Variants in AP3D1 observed in about 807,000 individuals in gnomAD.
AP3D1 encodes the protein AP-3 complex subunit delta-1.
A neutral mutation model predicts 147.6 loss-of-function variants in AP3D1; 51 were observed. The ratio of observed to expected loss-of-function variants is 0.35; its 90% CI spans 0.28 to 0.44. The LOEUF (loss-of-function observed/expected upper bound fraction) is 0.44, where lower values mean the gene tolerates loss of function less well. Ranked by LOEUF, AP3D1 falls within the 20% of genes least tolerant of loss-of-function variation. The pLI is 1.00. For synonymous variants in AP3D1, 760 were observed against 663.0 expected (o/e 1.15, Z -2.25); for missense variants, 1,421 against 1,624.2 (o/e 0.87, Z 2.15).
intron 5 of AP3D1, among the ~76,000 whole-genome samples, chr19:2,132,269 A>T (rs886932958): frequency 6.6e-6 from 1 of 152,204 alleles, no homozygotes; most frequent in Non-Finnish European, 1.5e-5. Context: ...ATGATTTCAA[A>T]TATCAACTTA....
At chr19:2,117,874 A>C (rs1292883304) in intron 15 of AP3D1, among the ~76,000 whole-genome samples, 1 of 152,242 alleles carries the variant, frequency 6.6e-6, no homozygotes, top group African/African-American at 2.4e-5. Flanking sequence ...CCTCTCTCAC[A>C]GATGGCCAGG....
chr19:2,127,270 G>A (rs376866604), intron 8 of AP3D1, 69 bp from the exon 9 acceptor site: 60 of 1,557,644 alleles, frequency 3.9e-5, no homozygotes, highest in African/African-American at 1.9e-4. Context: ...ACCCAGTGCC[G>A]GCAGCTCAGC....
rs975115919 is a variant in AP3D1, at chr19:2,140,568, C to T, written c.97-1854G>A. On this transcript the variant is annotated intron_variant, in intron 1 of 31. Coordinates refer to ENST00000643116, the MANE Select transcript of AP3D1 (RefSeq NM_001261826.3). ...ACTGCTCACTGCAGCCTCCACACCCCAGACTCAAGTGATCCTCCCCGCTAG... is the reference window on the plus strand; with the variant it reads ...ACTGCTCACTGCAGCCTCCACACCCTAGACTCAAGTGATCCTCCCCGCTAG... Among the ~76,000 whole-genome samples, 39 of 151,894 alleles carry T rather than the reference C, an allele frequency of 2.6e-4. 1 individual carries two copies. The highest frequency in any genetic ancestry group is 8.5e-4 in the African/African-American group (35 of 41,330).
intron 25 of AP3D1, 139 bp downstream of exon 25, chr19:2,111,540 C>T: frequency 7.8e-7 from 1 of 1,287,436 alleles, no homozygotes; most frequent in Non-Finnish European, 1.1e-6. Flanking sequence ...GGGCCAGGGC[C>T]AGTCCCCTGC....
At chr19:2,142,829 C>T (rs113470586) in intron 1 of AP3D1, among the ~76,000 whole-genome samples, 6,151 of 151,620 alleles carry the variant, frequency 0.041, 412 homozygotes, top group African/African-American at 0.14. Context: ...ATGGTGTGAT[C>T]TTGGCTCACC....
At chr19:2,113,092 CCCT>C (rs1342879227) in intron 23 of AP3D1, 125 bp from the exon 24 acceptor site, 1 of 692,188 alleles carries the variant, frequency 1.4e-6, no homozygotes, top group Non-Finnish European at 2.4e-6. Flanking sequence ...GGCCACAGTG[CCCT>C]CCGAGTGACA....
At chr19:2,149,245 C>T (rs536516921) in intron 1 of AP3D1, among the ~76,000 whole-genome samples, 1 of 151,952 alleles carries the variant, frequency 6.6e-6, no homozygotes, top group Non-Finnish European at 1.5e-5. Flanking sequence ...AACCCTGCGC[C>T]GTTTTAAAAA....
intron 1 of AP3D1, among the ~76,000 whole-genome samples, chr19:2,142,218 G>A (rs1311893364): frequency 1.3e-5 from 2 of 151,908 alleles, no homozygotes; most frequent in African/African-American, 4.8e-5. Context: ...TAGCCATGTT[G>A]GCCAGGCTGG....
At chr19:2,111,567 T>C (rs2018277662) in intron 25 of AP3D1, 112 bp downstream of exon 25, 13 of 1,395,366 alleles carry the variant, frequency 9.3e-6, no homozygotes, top group African/African-American at 1.4e-5. Flanking sequence ...CAGGCTCGGC[T>C]TCTTCTCGAA....
intron 31 of AP3D1, among the ~76,000 whole-genome samples, chr19:2,103,034 G>A (rs1488144985): frequency 1.3e-5 from 2 of 152,078 alleles, no homozygotes; most frequent in Non-Finnish European, 2.9e-5. Context: ...TGAGGCGGGA[G>A]GGTCGCTTGA....
intron 26 of AP3D1, 150 bp from the exon 27 acceptor site, chr19:2,111,046 GCCT>G (rs1395317292): frequency 1.1e-6 from 1 of 943,246 alleles, no homozygotes; most frequent in Non-Finnish European, 1.6e-6. Flanking sequence ...CAGGCCAAGC[GCCT>G]CCTATGGCTG....
In AP3D1 at chr19:2,158,094, C is replaced by T. The variant is rs138415753; in HGVS notation, c.-103+6262G>A. Among the ~76,000 whole-genome samples the T allele has an allele frequency of 3.8e-3, 574 of 152,162 alleles. 3 individuals carry two copies. The highest frequency in any genetic ancestry group is 0.01 in the Middle Eastern group (3 of 294). On this transcript the variant is annotated intron_variant, in intron 1 of 14. Coordinates refer to the AP3D1 transcript ENST00000643010. ...TTTTTGAGACAGAGTCTTGCTCTGTCGCCCAGGCTGCAGTGCAGTGGTGCG... is the reference window on the plus strand; with the variant it reads ...TTTTTGAGACAGAGTCTTGCTCTGTTGCCCAGGCTGCAGTGCAGTGGTGCG...
At chr19:2,154,685 A>C (rs1028578325), upstream of AP3D1, among the ~76,000 whole-genome samples, 8 of 152,212 alleles carry the variant, frequency 5.3e-5, no homozygotes, top group Non-Finnish European at 1.0e-4. Flanking sequence ...TCTGATTGGG[A>C]GCCCAAACAC....
At chr19:2,135,076 G>A (rs763933831) in intron 4 of AP3D1, among the ~76,000 whole-genome samples, 4 of 151,764 alleles carry the variant, frequency 2.6e-5, no homozygotes, top group Non-Finnish European at 4.4e-5. Context: ...TGGCACATGC[G>A]TGTACTCCCA....
intron 27 of AP3D1, 96 bp downstream of exon 27, chr19:2,110,611 G>A (rs2018243783): frequency 5.3e-6 from 7 of 1,311,908 alleles, no homozygotes; most frequent in Middle Eastern, 5.4e-4. Context: ...GGGGACATGG[G>A]GAGGAAGCAA....
chr19:2,148,973 C>T (rs1197921987), intron 1 of AP3D1, among the ~76,000 whole-genome samples: 1 of 151,926 alleles, frequency 6.6e-6, no homozygotes, highest in Non-Finnish European at 1.5e-5. Context: ...TATAGGATAG[C>T]TGCTTTTTCA....
At chr19:2,113,303 G>A (rs1307923297) in intron 23 of AP3D1, 33 bp downstream of exon 23, 11 of 1,230,088 alleles carry the variant, frequency 8.9e-6, no homozygotes, top group Admixed American at 2.3e-5. Flanking sequence ...TGCAGACACC[G>A]AGGCTGGCAC....
At chr19:2,102,369 G>T in intron 31 of AP3D1, 101 bp from the exon 32 acceptor site, 1 of 981,850 alleles carries the variant, frequency 1.0e-6, no homozygotes, top group Non-Finnish European at 1.6e-6. Flanking sequence ...CAAGGTGGGT[G>T]GATCACCTGA....
At chr19:2,127,670 G>A (rs1368513896) in intron 8 of AP3D1, among the ~76,000 whole-genome samples, 2 of 152,170 alleles carry the variant, frequency 1.3e-5, no homozygotes, top group Non-Finnish European at 2.9e-5. Context: ...GATTGCAAGC[G>A]TGCACCACCA....
Sources: gnomAD v4.1 joint callset for allele counts (sites outside exome capture counted in the v4.1 genomes callset) on GRCh38, gnomAD v4.1.1 for gene constraint, MANE v1.5 for transcripts, NCBI Gene and HGNC (gene_info 2026-07-23, HGNC 2026-07-21) for gene names.